The following DISP3 variants were observed in gnomAD, a reference collection of about 807,000 sequenced individuals.
The protein encoded by DISP3 is protein dispatched homolog 3.
DISP3 carries 101 observed loss-of-function variants against 135.3 expected under a neutral mutation model. The observed-to-expected ratio is 0.75, with a 90% CI of 0.64 to 0.88. The LOEUF is 0.88. Ranked by LOEUF, DISP3 falls within the 40% of genes least tolerant of loss-of-function variation. The pLI is 0.00. For missense variants in DISP3, 1,713 were observed against 1,878.6 expected, an observed-to-expected ratio of 0.91 and a Z score of 1.63; for synonymous variants, 856 against 817.0, an observed-to-expected ratio of 1.05 and a Z score of -0.81.
Position 11,534,470 on chromosome 1 carries a change from C to T in DISP3, c.3465C>T (p.Pro1155=), listed in dbSNP as rs777375237. The T allele has an allele frequency of 4.3e-5, 70 of 1,614,032 alleles. 1 individual carries two copies. Among genetic ancestry groups the T allele is most frequent in the East Asian group, 3.8e-4 (17 of 44,886 alleles). Residue 1155 remains proline, a synonymous_variant, in exon 18 of 21, where the codon CCC becomes CCT. Coordinates refer to ENST00000294484, the MANE Select transcript of DISP3 (RefSeq NM_020780.2). ...SFLQQQLQAL[P]EGSVLRRGFQ... is the part of the protein sequence containing the mutation. ...TCCAGCAGCAGCTGCAGGCCTTGCC[C>T]GAGGGCTCAGTCCTGCGCCGGGGCT...
chr1:11,526,928 C>G, intron 13 of DISP3, 93 bp downstream of exon 13: 1 of 1,376,324 alleles, frequency 7.3e-7, no homozygotes, highest in Non-Finnish European at 9.6e-7. Context: ...ATGAGGGATG[C>G]CAGCAGGCCC....
chr1:11,489,848 A>C (rs1177043628), intron 1 of DISP3, among the ~76,000 whole-genome samples: 1 of 152,188 alleles, frequency 6.6e-6, no homozygotes. Flanking sequence ...CAAGATCCCA[A>C]GATGAGATGC....
In DISP3 at chr1:11,501,526, C is replaced by T. The variant is rs377565787; in HGVS notation, c.534C>T (p.Ala178=). The T allele has an allele frequency of 2.1e-4, 341 of 1,601,668 alleles. No individual in the cohort carries two copies. The highest frequency in any genetic ancestry group is 3.8e-4 in the Admixed American group (22 of 58,354). The change falls in exon 2 of 21, where the codon GCC becomes GCT. Residue 178 remains alanine, a synonymous_variant. Coordinates refer to ENST00000294484, the MANE Select transcript of DISP3 (RefSeq NM_020780.2). This position sits in a 1 kb window ranked among gnomAD's most constrained non-coding sequence, Gnocchi z 4.9. ...GAGCCCCCCGCGTCATCCCCGCGGC[C>T]TCACTCGGTGGCCCAGGCCCTTACC... ...ASRAPRVIPA[A]SLGGPGPYRD... is the part of the protein sequence containing the mutation.
rs1642123487 is a variant in DISP3 at position 11,519,734 on chromosome 1, G to A, written c.2054G>A (p.Gly685Glu). The A allele has an allele frequency of 5.6e-6, 9 of 1,612,940 alleles. No individual in the cohort carries two copies. The highest frequency in any genetic ancestry group is 6.8e-6 in the Non-Finnish European group (8 of 1,179,940). Reference protein sequence around the residue: ...VEEEPVSLELGDVSLVSVSPE... With the variant: ...VEEEPVSLELEDVSLVSVSPE... ...GCCCTGGCAGTGTCACTGGAGCTGG[G>A]AGACGTGTCCCTGGTGTCTGTGTCC... Residue 685 changes from glycine to glutamate, a missense_variant, in exon 9 of 21, where the codon GGA becomes GAA. Gly to Glu is a moderately conservative substitution (Grantham distance 98). This residue lies in a region of DISP3 where 1,142 missense variants were observed against 1,384.6 expected (regional missense o/e 0.82). Coordinates refer to ENST00000294484, the MANE Select transcript of DISP3 (RefSeq NM_020780.2). The surrounding 1 kb of genome is among the most constrained non-coding windows in gnomAD (Gnocchi z 4.3).
chr1:11,481,270 C>T (rs2100343052), intron 1 of DISP3: 1 of 152,264 alleles, frequency 6.6e-6, no homozygotes, highest in Middle Eastern at 3.4e-3. Flanking sequence ...TCCATGTCCC[C>T]GTTACTCTCT....
intron 17 of DISP3, among the ~76,000 whole-genome samples, chr1:11,532,743 GC>G (rs1251869029): frequency 6.6e-5 from 10 of 152,218 alleles, no homozygotes; most frequent in Admixed American, 3.3e-4. Flanking sequence ...TGTCCCCCAG[GC>G]TGGAGTGCAG....
At chr1:11,503,514 G>T (rs1311079248) in intron 3 of DISP3, among the ~76,000 whole-genome samples, 1 of 152,178 alleles carries the variant, frequency 6.6e-6, no homozygotes, top group African/African-American at 2.4e-5. Context: ...GAGTCCGAAG[G>T]CCAGAGAGCG....
intron 1 of DISP3, among the ~76,000 whole-genome samples, chr1:11,492,091 C>T (rs1570064319): frequency 7.6e-6 from 1 of 131,964 alleles, no homozygotes; most frequent in East Asian, 2.2e-4. Context: ...CACTGCACTC[C>T]AGCCTGGGCG....
At chr1:11,527,974 G>A (rs1205925320) in intron 13 of DISP3, among the ~76,000 whole-genome samples, 3 of 152,180 alleles carry the variant, frequency 2.0e-5, no homozygotes, top group Non-Finnish European at 4.4e-5. Context: ...TCCCACAGGA[G>A]CACACAGGCA....
At chr1:11,522,650 G>GACCCA (rs1642247976) in intron 10 of DISP3, among the ~76,000 whole-genome samples, 1 of 45,220 alleles carries the variant, frequency 2.2e-5, no homozygotes, top group Non-Finnish European at 4.5e-5. Context: ...GCCCAGCCAG[G>GACCCA]GCCCAGCCAG....
intron 7 of DISP3, among the ~76,000 whole-genome samples, chr1:11,518,985 CCCT>C (rs1227082405): frequency 6.6e-6 from 1 of 152,190 alleles, no homozygotes; most frequent in African/African-American, 2.4e-5. Context: ...CAGCCCTGTT[CCCT>C]CCTCCTGGCT....
rs752008451 is a variant in DISP3 at position 11,519,763 on chromosome 1, G to T, written c.2083G>T (p.Glu695Ter). Residue 695 changes from glutamate (E) to a stop codon, truncating the protein, a stop_gained, in exon 9 of 21, where the codon GAG becomes TAG. Coordinates refer to ENST00000294484, the MANE Select transcript of DISP3 (RefSeq NM_020780.2). LOFTEE classifies it high-confidence loss of function. This position sits in a 1 kb window ranked among gnomAD's most constrained non-coding sequence, Gnocchi z 4.3. The part of the protein sequence containing the change: ...GDVSLVSVSP[E>*]GLQPASNTGS... ...CGTGTCCCTGGTGTCTGTGTCCCCC[G>T]AGGGTCTGCAGCCAGCCTCCAACAC... The T allele has an allele frequency of 2.5e-6, 4 of 1,613,102 alleles. No individual in the cohort carries two copies. The Admixed American group carries it at 5.0e-5, about 20-fold the overall frequency.
intron 1 of DISP3, among the ~76,000 whole-genome samples, chr1:11,496,428 G>T (rs1328112871): frequency 6.6e-6 from 1 of 152,126 alleles, no homozygotes; most frequent in Non-Finnish European, 1.5e-5. Context: ...AACATTCCCA[G>T]GGCCCAGAAA....
rs1327385305 is a variant in DISP3 at position 11,519,931 on chromosome 1, A to G, written c.2200+51A>G. The G allele has an allele frequency of 8.5e-6, 13 of 1,534,092 alleles. No homozygotes were observed. In the East Asian group the frequency reaches 3.0e-4, roughly 35 times the overall value. On this transcript the variant is annotated intron_variant, in intron 9 of 20. Transcript: ENST00000294484. The surrounding 1 kb of genome is among the most constrained non-coding windows in gnomAD (Gnocchi z 4.3). ...CCTGTCTCACAGCTCCACCCCCAAA[A>G]CACACAGGAACTGGGAGCCCACCCC...
In DISP3 at chr1:11,501,262, C is replaced by T. The variant is rs1179777316; in HGVS notation, c.270C>T (p.Ala90=). Residue 90 remains alanine (A), a synonymous_variant, in exon 2 of 21, where the codon GCC becomes GCT. Coordinates refer to ENST00000294484, the MANE Select transcript of DISP3 (RefSeq NM_020780.2). The surrounding 1 kb of genome is among the most constrained non-coding windows in gnomAD (Gnocchi z 4.9). ...GCAGCATCCCCATGGCCCTGTCAGC[C>T]TTCATGTTCCTTTACTACCCACCGC... is the stretch of plus-strand genomic sequence containing the variant. ...LGCSIPMALS[A]FMFLYYPPLD... is the part of the protein sequence containing the mutation. The T allele has an allele frequency of 1.2e-6, 2 of 1,614,194 alleles. No homozygotes were observed. The highest frequency in any genetic ancestry group is 1.6e-4 in the Middle Eastern group (1 of 6,062).
intron 2 of DISP3, 90 bp downstream of exon 2, chr1:11,502,178 G>A: frequency 6.8e-7 from 1 of 1,474,700 alleles, no homozygotes; most frequent in Non-Finnish European, 8.9e-7. Flanking sequence ...CCAGGCCCAG[G>A]CCCAGGCCCA....
chr1:11,481,337 A>C (rs531988634), intron 1 of DISP3: 1 of 152,182 alleles, frequency 6.6e-6, no homozygotes, highest in Non-Finnish European at 1.5e-5. Context: ...TCCCCTCCCC[A>C]GGAAGTTTTC....
rs184127095 is a variant in DISP3, at chr1:11,526,359, G to C, written c.2614-292G>C. On this transcript the variant is annotated intron_variant, in intron 12 of 20. Transcript: ENST00000294484. ...AAGCCATCATCATTGCCAGCTCCAA[G>C]AGGTCAGGGACCGTGCCCCTCAGAG... 1.2e-4 allele frequency among the ~76,000 whole-genome samples: 19 copies of C among 152,346 alleles called. No homozygotes were observed. In the East Asian group the frequency reaches 3.5e-3, roughly 28 times the overall value.
chr1:11,534,899 A>G, intron 18 of DISP3, 112 bp from the exon 19 acceptor site: 1 of 1,008,926 alleles, frequency 9.9e-7, no homozygotes, highest in Non-Finnish European at 1.5e-6. Flanking sequence ...TTATGACCCC[A>G]TTTTACAGAC....
Sources: allele counts gnomAD v4.1 joint callset (sites outside exome capture counted in the v4.1 genomes callset), GRCh38; gene constraint gnomAD v4.1.1; regional missense constraint gnomAD v4.1.1; non-coding constraint Gnocchi (gnomAD v3.1); transcripts MANE v1.5; gene names NCBI Gene and HGNC (gene_info 2026-07-23, HGNC 2026-07-21).